CPT1C: variants seen among roughly 807,000 people sequenced by gnomAD.
CPT1C encodes carnitine palmitoyltransferase 1C.
CPT1C carries 61 observed loss-of-function variants against 97.3 expected under a neutral mutation model. The ratio of observed to expected loss-of-function variants is 0.63; its 90% CI spans 0.51 to 0.78. The LOEUF (loss-of-function observed/expected upper bound fraction) is 0.78. Ranked by LOEUF, CPT1C falls within the 30% of genes least tolerant of loss-of-function variation. CPT1C has a pLI of 0.00. For missense variants in CPT1C, 975 were observed against 1,065.5 expected, an observed-to-expected ratio of 0.92 and a Z score of 1.18; for synonymous variants, 469 against 447.2, an observed-to-expected ratio of 1.05 and a Z score of -0.61.
In CPT1C at chr19:49,695,002, G is replaced by A. The variant is rs531611790; in HGVS notation, c.142-2324G>A. ...AAACATACAAAAAAATTAGCTGGGC[G>A]TGGTGGCAGTCACCTGTAGTCCCAG... On this transcript the variant is annotated intron_variant, in intron 3 of 19. Transcript: ENST00000598293. Among the ~76,000 whole-genome samples, 6 of 152,004 alleles carry A rather than the reference G, an allele frequency of 3.9e-5. No homozygotes were observed. The East Asian group carries it at 6.0e-4, about 15-fold the overall frequency.
chr19:49,696,119 C>T (rs1207245586), intron 3 of CPT1C, among the ~76,000 whole-genome samples: 3 of 152,158 alleles, frequency 2.0e-5, no homozygotes, highest in Non-Finnish European at 2.9e-5. Flanking sequence ...TCAGGTGATC[C>T]ACCCGCCTAG....
intron 3 of CPT1C, among the ~76,000 whole-genome samples, chr19:49,694,646 A>T (rs57424498): frequency 1.4e-5 from 2 of 147,226 alleles, no homozygotes; most frequent in African/African-American, 2.5e-5. Flanking sequence ...AAAAAAAAAA[A>T]GGGGGTGGGA....
chr19:49,708,620 A>G, intron 13 of CPT1C, 103 bp from the exon 14 acceptor site: 2 of 811,756 alleles, frequency 2.5e-6, no homozygotes, highest in Non-Finnish European at 4.3e-6. Context: ...TTTCTCAGGG[A>G]CTGCCCCCTA....
intron 3 of CPT1C, 26 bp downstream of exon 3, chr19:49,692,419 C>T: frequency 6.2e-7 from 1 of 1,611,276 alleles, no homozygotes; most frequent in Non-Finnish European, 8.5e-7. Context: ...GGTCGGTTTC[C>T]TTCCGGGGAT....
chr19:49,713,205 C>T (rs901777671), intron 19 of CPT1C, 141 bp downstream of exon 19: 1 of 799,994 alleles, frequency 1.3e-6, no homozygotes, highest in Admixed American at 2.6e-5. Flanking sequence ...GCCCCCAGCC[C>T]CTCCTCCCTC....
chr19:49,700,771 C>G lies in CPT1C; in HGVS notation c.369C>G (p.His123Gln), dbSNP rs769794715. Residue 123 changes from histidine to glutamine, a missense_variant, in exon 5 of 20, where the codon CAC (histidine) becomes CAG (glutamine). His to Gln is a conservative substitution (Grantham distance 24). Transcript: ENST00000598293. Reference sequence around the variant, plus strand: ...GGGGAGCCCTGATCTTCACACTGCACGTGGCCCTGAGGCTGCTTCTGTCCT... The same window carrying G: ...GGGGAGCCCTGATCTTCACACTGCAGGTGGCCCTGAGGCTGCTTCTGTCCT... ...CLWGALIFTL[H>Q]VALRLLLSYH... The G allele has an allele frequency of 1.7e-5, 28 of 1,613,248 alleles. No homozygotes were observed. Among genetic ancestry groups the G allele is most frequent in the Non-Finnish European group, 2.3e-5 (27 of 1,180,014 alleles).
intron 7 of CPT1C, among the ~76,000 whole-genome samples, chr19:49,703,559 T>C (rs1600100649): frequency 1.3e-5 from 1 of 79,952 alleles, no homozygotes. Context: ...TTTCTGTCTC[T>C]CTCTCCTCCC....
intron 3 of CPT1C, among the ~76,000 whole-genome samples, chr19:49,694,628 CAAAAA>C (rs1160047948): frequency 6.2e-5 from 4 of 64,810 alleles, no homozygotes; most frequent in Non-Finnish European, 6.6e-5. Flanking sequence ...GACTCCGTTT[CAAAAA>C]AAAAAAAAAA....
intron 3 of CPT1C, among the ~76,000 whole-genome samples, chr19:49,694,717 G>C (rs928303183): frequency 6.6e-6 from 1 of 151,674 alleles, no homozygotes; most frequent in African/African-American, 2.4e-5. Flanking sequence ...CTGAACCTCT[G>C]TGGTCTTGTT....
rs769080433 is a variant in CPT1C at position 49,705,290 on chromosome 19, T to C, written c.956T>C (p.Val319Ala). ...TTCAACACCACGCGGATTCCAGGGG[T>C]CCAAAAAGGTGAGACCCTCTCCTGT... ...KIFNTTRIPG[V>A]QKDYIRHLHD... is the part of the protein sequence containing the mutation. Residue 319 changes from valine to alanine, a missense_variant, in exon 10 of 20, where the codon GTC becomes GCC. By Grantham distance (64) the Val-to-Ala change is moderately conservative. Around this residue, in one of 3 missense-constraint regions of CPT1C, gnomAD observed 596 missense variants for 603.1 expected, o/e 0.99. Transcript: ENST00000598293. The C allele has an allele frequency of 4.4e-6, 7 of 1,594,910 alleles. No homozygotes were observed. Among genetic ancestry groups the C allele is most frequent in the African/African-American group, 2.7e-5 (2 of 74,256 alleles).
intron 4 of CPT1C, among the ~76,000 whole-genome samples, chr19:49,698,340 G>T (rs2082787537): frequency 6.6e-6 from 1 of 151,856 alleles, no homozygotes; most frequent in South Asian, 2.1e-4. Context: ...ATTGCAGCCT[G>T]GGCAACAGAG....
At position 49,700,832 on chromosome 19, in the gene CPT1C, T is replaced by TC. The variant is rs1395561215; in HGVS notation, c.432dup (p.Ser145LeufsTer90). 1.9e-6 allele frequency: 3 copies of TC among 1,612,794 alleles called. No individual in the cohort carries two copies. Among genetic ancestry groups the TC allele is most frequent in the Non-Finnish European group, 2.5e-6 (3 of 1,180,004 alleles). On this transcript the variant is annotated frameshift_variant, in exon 5 of 20. Coordinates refer to ENST00000598293, the MANE Select transcript of CPT1C (RefSeq NM_001199753.2). LOFTEE classifies it high-confidence loss of function. ...GCTTCTTGAGCCCCACGGAGCCATG[T>TC]CCTCCCCCACCAAGACCTGGCTGGT... is the stretch of plus-strand genomic sequence containing the variant.
intron 16 of CPT1C, 174 bp downstream of exon 16, chr19:49,711,031 C>G: frequency 1.6e-6 from 1 of 606,136 alleles, no homozygotes; most frequent in Admixed American, 3.2e-5. Context: ...GACAGCCCAG[C>G]ATAGTGTGAT....
rs920616977 is a variant in CPT1C at position 49,694,064 on chromosome 19, C to CA, written c.141+1680dup. On this transcript the variant is annotated intron_variant, in intron 3 of 19. Coordinates refer to ENST00000598293, the MANE Select transcript of CPT1C (RefSeq NM_001199753.2). Reference sequence around the variant, plus strand: ...TGGGCGACAGAGCGAGACTCCGTCTCAAAAAAAAATAAAATAAAATAAAAA... The same window carrying CA: ...TGGGCGACAGAGCGAGACTCCGTCTCAAAAAAAAAATAAAATAAAATAAAAA... Among the ~76,000 whole-genome samples, 180 of 128,812 alleles carry CA rather than the reference C, an allele frequency of 1.4e-3. 1 individual carries two copies. The highest frequency in any genetic ancestry group is 4.1e-3 in the Middle Eastern group (1 of 242). 84.5% of individuals were successfully genotyped at this position (128,812 alleles called of 152,430 possible).
Position 49,704,718 on chromosome 19 carries a change from C to T in CPT1C, c.702C>T (p.Asp234=). 1.2e-6 allele frequency: 2 copies of T among 1,613,810 alleles called. No homozygotes were observed. Among genetic ancestry groups the T allele is most frequent in the Non-Finnish European group, 1.7e-6 (2 of 1,179,828 alleles). Residue 234 remains aspartate (D), a synonymous_variant, in exon 8 of 20, where the codon GAC becomes GAT. Coordinates refer to ENST00000598293, the MANE Select transcript of CPT1C (RefSeq NM_001199753.2). ...KSWWASNYVS[D]WWEEFVYLRS... ...CCCCACCCCGCTCCCAGGTCAGTGA[C>T]TGGTGGGAGGAATTTGTGTACCTGC...
rs1219507674 is a variant in CPT1C at position 49,692,242 on chromosome 19, T to C, written c.-11T>C. On this transcript the variant is annotated 5_prime_UTR_variant, in exon 3 of 20. Transcript: ENST00000598293. ...AGTATGACTCTGCCCGACTCAGGGC[T>C]CCAGCGTGACATGGCTGAAGCGCAC... The C allele has an allele frequency of 1.2e-6, 2 of 1,613,092 alleles. No individual in the cohort carries two copies. Among genetic ancestry groups the C allele is most frequent in the Admixed American group, 3.3e-5 (2 of 59,990 alleles).
chr19:49,700,542 G>A, intron 4 of CPT1C, 142 bp from the exon 5 acceptor site: 1 of 825,596 alleles, frequency 1.2e-6, no homozygotes, highest in Non-Finnish European at 1.9e-6. Flanking sequence ...GGGGGTGACA[G>A]AGCTCACACC....
chr19:49,703,500 CTCTTTCTT>C (rs34556306), intron 7 of CPT1C, among the ~76,000 whole-genome samples: 2 of 147,490 alleles, frequency 1.4e-5, no homozygotes, highest in African/African-American at 2.5e-5. Flanking sequence ...CATGCCCGGC[CTCTTTCTT>C]TCTTTCTTTC....
chr19:49,708,625 C>T, intron 13 of CPT1C, 98 bp from the exon 14 acceptor site: 1 of 840,278 alleles, frequency 1.2e-6, no homozygotes. Context: ...CAGGGACTGC[C>T]CCCTACCCGA....
Sources: allele counts gnomAD v4.1 joint callset (sites outside exome capture counted in the v4.1 genomes callset), GRCh38; gene constraint gnomAD v4.1.1; regional missense constraint gnomAD v4.1.1; transcripts MANE v1.5; gene names NCBI Gene and HGNC (gene_info 2026-07-23, HGNC 2026-07-21).